Variants in SPIDR observed in about 807,000 individuals in gnomAD.
SPIDR encodes DNA repair-scaffolding protein.
Under a neutral mutation model 104.6 loss-of-function variants are expected in SPIDR, and 93 were observed. That is an observed-to-expected ratio of 0.89 (90% CI 0.75 to 1.06). The LOEUF (loss-of-function observed/expected upper bound fraction) is 1.06, where lower values mean the gene tolerates loss of function less well. SPIDR is among the 50% of genes least tolerant of loss of function. The pLI is 0.00. For synonymous variants in SPIDR, 431 were observed against 416.9 expected (o/e 1.03, Z -0.41); for missense variants, 1,154 against 1,111.2 (o/e 1.04, Z -0.55).
intron 8 of SPIDR, among the ~76,000 whole-genome samples, chr8:47,493,728 G>C (rs989965263): frequency 2.0e-5 from 3 of 152,130 alleles, no homozygotes; most frequent in Non-Finnish European, 2.9e-5. Flanking sequence ...GTTCCATCTA[G>C]TGACAATTCT....
intron 10 of SPIDR, among the ~76,000 whole-genome samples, chr8:47,672,750 A>G (rs916766128): frequency 1.3e-5 from 2 of 152,216 alleles, no homozygotes; most frequent in African/African-American, 4.8e-5. Context: ...TCTTTTGACT[A>G]TTCCCACATG....
chr8:47,510,924 C>T (rs2082219809), intron 8 of SPIDR: 8 of 558,422 alleles, frequency 1.4e-5, no homozygotes, highest in South Asian at 1.2e-4. Flanking sequence ...GAGGAGATGT[C>T]ACACTGGACT....
At chr8:47,578,560 G>A (rs1201561181) in intron 8 of SPIDR, among the ~76,000 whole-genome samples, 3 of 152,158 alleles carry the variant, frequency 2.0e-5, no homozygotes, top group African/African-American at 7.2e-5. Flanking sequence ...ATAGCGCTAT[G>A]CTACTACTGA....
At chr8:47,313,026 C>G (rs1229729780) in intron 5 of SPIDR, among the ~76,000 whole-genome samples, 2 of 152,138 alleles carry the variant, frequency 1.3e-5, no homozygotes, top group Non-Finnish European at 2.9e-5. Flanking sequence ...TCTCTCACCA[C>G]TCCTATTCAA....
chr8:47,581,892 A>G (rs1588035004), intron 8 of SPIDR, among the ~76,000 whole-genome samples: 1 of 152,248 alleles, frequency 6.6e-6, no homozygotes, highest in East Asian at 1.9e-4. Context: ...TTGACAGTAA[A>G]CAAGCAAATC....
At chr8:47,377,833 C>T (rs1184153082) in intron 5 of SPIDR, among the ~76,000 whole-genome samples, 1 of 152,204 alleles carries the variant, frequency 6.6e-6, no homozygotes, top group East Asian at 1.9e-4. Flanking sequence ...CTAATTCATT[C>T]CCAAGCTCTC....
intron 8 of SPIDR, among the ~76,000 whole-genome samples, chr8:47,579,443 A>G (rs1012345536): frequency 2.0e-5 from 3 of 152,230 alleles, no homozygotes; most frequent in Admixed American, 2.0e-4. Flanking sequence ...GGTAGTCACT[A>G]GCCACACTGA....
intron 8 of SPIDR, among the ~76,000 whole-genome samples, chr8:47,512,343 T>C: frequency 6.6e-6 from 1 of 152,188 alleles, no homozygotes; most frequent in Non-Finnish European, 1.5e-5. Flanking sequence ...TTGCCTATGG[T>C]GATTGGTCCA....
intron 8 of SPIDR, chr8:47,592,079 C>G: frequency 8.4e-7 from 1 of 1,192,690 alleles, no homozygotes. Context: ...CCATTAAATG[C>G]AAACAAAAAG....
At position 47,735,537 on chromosome 8, in the gene SPIDR, T is replaced by C; in HGVS notation, c.*87T>C. Reference sequence around the variant, plus strand: ...ATTTGGGGTAGTTATTTGTTAACTATGGACACAGTGAACGTAGTTTACGAT... The same window carrying C: ...ATTTGGGGTAGTTATTTGTTAACTACGGACACAGTGAACGTAGTTTACGAT... On this transcript the variant is annotated 3_prime_UTR_variant, in exon 20 of 20. Coordinates refer to ENST00000297423, the MANE Select transcript of SPIDR (RefSeq NM_001080394.4). The C allele has an allele frequency of 6.3e-7, 1 of 1,596,628 alleles. No homozygotes were observed. The highest frequency in any genetic ancestry group is 8.5e-7 in the Non-Finnish European group (1 of 1,170,480).
At chr8:47,707,479 T>A (rs944924151) in intron 14 of SPIDR, among the ~76,000 whole-genome samples, 16 of 152,210 alleles carry the variant, frequency 1.1e-4, no homozygotes, top group Non-Finnish European at 1.8e-4. Context: ...TTCTATTTTT[T>A]AAATACAAAA....
intron 5 of SPIDR, among the ~76,000 whole-genome samples, chr8:47,375,367 A>G (rs2058540187): frequency 1.4e-5 from 2 of 144,880 alleles, no homozygotes; most frequent in African/African-American, 2.5e-5. Flanking sequence ...TCAACCTTCC[A>G]AGTAGCTGGA....
At position 47,701,767 on chromosome 8, in the gene SPIDR, C is replaced by T; in HGVS notation, c.1820C>T (p.Ala607Val). 1 of 1,614,152 alleles carries T rather than the reference C, an allele frequency of 6.2e-7. No homozygotes were observed. Among genetic ancestry groups the T allele is most frequent in the South Asian group, 1.1e-5 (1 of 91,084 alleles). The change falls in exon 13 of 20, where the codon GCT becomes GTT. Residue 607 changes from alanine to valine, a missense_variant. Transcript: ENST00000297423. ...PPPALCYILT[A>V]HPNLGQIDII... ...CCAGCCTTGTGTTACATCCTCACAG[C>T]TCATCCAAATCTGGGACAAATTGAT... is the stretch of plus-strand genomic sequence containing the variant.
chr8:47,470,859 C>G (rs1356112707), intron 8 of SPIDR, among the ~76,000 whole-genome samples: 2 of 152,014 alleles, frequency 1.3e-5, no homozygotes, highest in African/African-American at 4.8e-5. Context: ...CTCAGCCTCC[C>G]AAGCAGCTGG....
chr8:47,540,284 A>G (rs1011643398), intron 8 of SPIDR, among the ~76,000 whole-genome samples: 2 of 152,186 alleles, frequency 1.3e-5, no homozygotes, highest in East Asian at 1.9e-4. Flanking sequence ...ATAGGGGAAA[A>G]TAAATATTGA....
chr8:47,389,505 C>T (rs537833103), intron 5 of SPIDR, among the ~76,000 whole-genome samples: 225 of 151,656 alleles, frequency 1.5e-3, no homozygotes, highest in African/African-American at 4.8e-3. Flanking sequence ...CTGGCTAACA[C>T]GGTGAAACCC....
chr8:47,558,632 C>CTA (rs1554796098), intron 8 of SPIDR, among the ~76,000 whole-genome samples: 1 of 149,454 alleles, frequency 6.7e-6, no homozygotes, highest in Admixed American at 6.7e-5. Flanking sequence ...CTAGCTTCAC[C>CTA]TTTTTTTTTG....
intron 16 of SPIDR, among the ~76,000 whole-genome samples, chr8:47,722,179 C>T (rs1274965870): frequency 1.3e-5 from 2 of 152,112 alleles, no homozygotes; most frequent in Non-Finnish European, 2.9e-5. Context: ...AAATTCCAAT[C>T]GTTCATTGAG....
At chr8:47,353,525 G>A (rs1290039438) in intron 5 of SPIDR, among the ~76,000 whole-genome samples, 2 of 152,158 alleles carry the variant, frequency 1.3e-5, no homozygotes, top group African/African-American at 2.4e-5. Flanking sequence ...AGGCCAGAGC[G>A]TAGGTTTAGT....
Sources: gnomAD v4.1 joint callset for allele counts (sites outside exome capture counted in the v4.1 genomes callset) on GRCh38, gnomAD v4.1.1 for gene constraint, MANE v1.5 for transcripts, NCBI Gene and HGNC (gene_info 2026-07-23, HGNC 2026-07-21) for gene names.